The following ADAMTS19 variants were observed in gnomAD, a reference collection of about 807,000 sequenced individuals.
The protein encoded by ADAMTS19 is ADAM metallopeptidase with thrombospondin type 1 motif 19.
A neutral mutation model predicts 153.3 loss-of-function variants in ADAMTS19; 93 were observed. That is an observed-to-expected ratio of 0.61 (90% CI 0.51 to 0.72). The LOEUF is 0.72. Among genes scored for constraint, ADAMTS19 ranks in the 30% least tolerant of loss-of-function variants. The pLI, the probability that ADAMTS19 is intolerant of heterozygous loss-of-function variation, is 0.00. For missense variants in ADAMTS19, 1,482 were observed against 1,552.1 expected (o/e 0.95, Z 0.76); for synonymous variants, 600 against 556.6 (o/e 1.08, Z -1.10).
intron 21 of ADAMTS19, among the ~76,000 whole-genome samples, chr5:129,726,804 A>T (rs1196546157): frequency 6.6e-6 from 1 of 151,798 alleles, no homozygotes; most frequent in Non-Finnish European, 1.5e-5. Flanking sequence ...GAATTACAAA[A>T]CCCCTTATCC....
At chr5:129,468,709 G>A (rs1307466433) in intron 2 of ADAMTS19, among the ~76,000 whole-genome samples, 1 of 151,994 alleles carries the variant, frequency 6.6e-6, no homozygotes, top group African/African-American at 2.4e-5. Flanking sequence ...TTATGGTGAG[G>A]TTGAGTGTCT....
chr5:129,685,636 G>A (rs1755049602), intron 18 of ADAMTS19, among the ~76,000 whole-genome samples: 1 of 152,136 alleles, frequency 6.6e-6, no homozygotes, highest in Non-Finnish European at 1.5e-5. Context: ...ACAGAAAATA[G>A]CAGAAGAATT....
Position 129,641,900 on chromosome 5 carries a change from G to C in ADAMTS19, c.1812G>C (p.Glu604Asp), listed in dbSNP as rs764233209. ...GATTATGGTGCAAGGTAGAAGGTGAGAAAGAATGCAGAACCAAGCTAGACC... is the reference window on the plus strand; with the variant it reads ...GATTATGGTGCAAGGTAGAAGGTGACAAAGAATGCAGAACCAAGCTAGACC... Reference protein sequence around the residue: ...CTGLWCKVEGEKECRTKLDPP... With the variant: ...CTGLWCKVEGDKECRTKLDPP... Residue 604 changes from glutamate (E) to aspartate (D), a missense_variant, in exon 11 of 23, where the codon GAG becomes GAC. By Grantham distance (45) the Glu-to-Asp change is conservative (BLOSUM62 2). Around this residue, in one of 2 missense-constraint regions of ADAMTS19, gnomAD observed 866 missense variants for 827.7 expected, o/e 1.05. Coordinates refer to ENST00000274487, the MANE Select transcript of ADAMTS19 (RefSeq NM_133638.6). 1 of 1,603,762 alleles carries C rather than the reference G, an allele frequency of 6.2e-7. No individual in the cohort carries two copies. The highest frequency in any genetic ancestry group is 1.7e-5 in the Admixed American group (1 of 59,292).
rs1359302884 is a variant in ADAMTS19, at chr5:129,701,575, G to C, written c.3142G>C (p.Ala1048Pro). The C allele has an allele frequency of 3.1e-6, 5 of 1,614,056 alleles. No individual in the cohort carries two copies. The Admixed American group carries it at 5.0e-5, about 16-fold the overall frequency. Residue 1048 changes from alanine (A) to proline (P), a missense_variant, in exon 20 of 23, where the codon GCG becomes CCG. This residue lies in a region of ADAMTS19 where 616 missense variants were observed against 724.4 expected (regional missense o/e 0.85). Transcript: ENST00000274487. ...CCAGGACTGCATGACCGTGTGGGAG[G>C]CGGGAGTGTGGTCTGAGGTGCATAC... Reference protein sequence around the residue: ...EGQDCMTVWEAGVWSECSVKC... With the variant: ...EGQDCMTVWEPGVWSECSVKC...
chr5:129,539,687 A>G (rs750241162), intron 6 of ADAMTS19, among the ~76,000 whole-genome samples: 46 of 152,254 alleles, frequency 3.0e-4, no homozygotes, highest in Non-Finnish European at 5.4e-4. Context: ...TTTTGCTGTT[A>G]GAGAAAATGT....
At chr5:129,618,372 T>C (rs184829514) in intron 8 of ADAMTS19, among the ~76,000 whole-genome samples, 83 of 152,088 alleles carry the variant, frequency 5.5e-4, no homozygotes, top group Non-Finnish European at 9.0e-4. Context: ...ACACCAAAAG[T>C]GAAAAGTAAT....
intron 19 of ADAMTS19, 93 bp downstream of exon 19, chr5:129,694,948 C>A (rs1312347510): frequency 7.8e-7 from 1 of 1,286,858 alleles, no homozygotes; most frequent in African/African-American, 1.5e-5. Flanking sequence ...ATCACATTTT[C>A]TTAAAAACAT....
chr5:129,618,522 C>T (rs2126971798), intron 8 of ADAMTS19, among the ~76,000 whole-genome samples: 1 of 151,976 alleles, frequency 6.6e-6, no homozygotes, highest in South Asian at 2.1e-4. Context: ...CCTTCAAAAA[C>T]ATATTTAATT....
At chr5:129,695,586 C>T (rs1755516854) in intron 19 of ADAMTS19, among the ~76,000 whole-genome samples, 1 of 152,142 alleles carries the variant, frequency 6.6e-6, no homozygotes, top group Non-Finnish European at 1.5e-5. Flanking sequence ...ACCAGCCTAG[C>T]AACGAGGCTA....
Position 129,702,781 on chromosome 5 carries a change from A to G in ADAMTS19, c.3159+1189A>G, listed in dbSNP as rs531611104. 3.7e-4 allele frequency among the ~76,000 whole-genome samples: 56 copies of G among 151,802 alleles called. 1 individual carries two copies. Among genetic ancestry groups the G allele is most frequent in the African/African-American group, 1.3e-3 (54 of 41,380 alleles). ...CATTTTTGCAAACTCTTCGGGAGAA[A>G]ATTGGTCAGAAATATTCTACTATAC... On this transcript the variant is annotated intron_variant, in intron 20 of 22. Transcript: ENST00000274487.
At chr5:129,730,974 TTTGA>T (rs1384653359) in intron 21 of ADAMTS19, among the ~76,000 whole-genome samples, 4 of 135,212 alleles carry the variant, frequency 3.0e-5, no homozygotes, top group South Asian at 2.3e-4. Context: ...TTTTGTTTTG[TTTGA>T]GACAGAGTCT....
chr5:129,473,605 G>A (rs1400226236), intron 2 of ADAMTS19, among the ~76,000 whole-genome samples: 1 of 152,066 alleles, frequency 6.6e-6, no homozygotes, highest in Non-Finnish European at 1.5e-5. Flanking sequence ...ATAGCTGCCT[G>A]TTCATAAATT....
intron 16 of ADAMTS19, among the ~76,000 whole-genome samples, chr5:129,675,499 A>G (rs30655): frequency 0.52 from 79,529 of 151,894 alleles, 23,458 homozygotes; most frequent in Non-Finnish European, 0.66. Flanking sequence ...AAGTTCACAG[A>G]CTTCTTTTGC....
intron 7 of ADAMTS19, among the ~76,000 whole-genome samples, chr5:129,564,105 G>A (rs1326633505): frequency 2.6e-5 from 4 of 152,054 alleles, no homozygotes; most frequent in African/African-American, 9.7e-5. Context: ...ATTTTTAGTA[G>A]AGACAGCGTT....
chr5:129,592,693 T>C (rs781189926), intron 7 of ADAMTS19, among the ~76,000 whole-genome samples: 1 of 152,134 alleles, frequency 6.6e-6, no homozygotes, highest in Admixed American at 6.5e-5. Context: ...AAAATAAGAA[T>C]AGGAATAGAT....
chr5:129,565,414 A>G (rs1753673390), intron 7 of ADAMTS19, among the ~76,000 whole-genome samples: 1 of 152,266 alleles, frequency 6.6e-6, no homozygotes, highest in African/African-American at 2.4e-5. Context: ...TACTTTGAAG[A>G]TAATATGAAA....
intron 6 of ADAMTS19, among the ~76,000 whole-genome samples, chr5:129,542,607 C>T (rs1020068914): frequency 6.6e-6 from 1 of 152,054 alleles, no homozygotes; most frequent in African/African-American, 2.4e-5. Context: ...ATGCTGCTTA[C>T]CATGGGAAAA....
chr5:129,632,821 T>G (rs1184117392), intron 10 of ADAMTS19, among the ~76,000 whole-genome samples: 1 of 152,080 alleles, frequency 6.6e-6, no homozygotes, highest in Non-Finnish European at 1.5e-5. Flanking sequence ...CAAGATAGTC[T>G]CTTTATCTTT....
intron 8 of ADAMTS19, among the ~76,000 whole-genome samples, chr5:129,598,785 C>T (rs942808768): frequency 5.3e-5 from 8 of 152,098 alleles, no homozygotes; most frequent in East Asian, 3.9e-4. Flanking sequence ...AGTTGTCCCT[C>T]GGTATTTGCC....
Sources: allele counts gnomAD v4.1 joint callset (sites outside exome capture counted in the v4.1 genomes callset), GRCh38; gene constraint gnomAD v4.1.1; regional missense constraint gnomAD v4.1.1; transcripts MANE v1.5; gene names NCBI Gene and HGNC (gene_info 2026-07-23, HGNC 2026-07-21).